The following ZFHX4 variants were observed in gnomAD, a reference collection of about 807,000 sequenced individuals.
The protein encoded by ZFHX4 is zinc finger homeobox 4.
In ZFHX4, 56 loss-of-function variants were observed where a neutral mutation model predicts 267.6. That is an observed-to-expected ratio of 0.21 (90% CI 0.17 to 0.26). The LOEUF is 0.26. Ranked by LOEUF, ZFHX4 falls within the 10% of genes least tolerant of loss-of-function variation. ZFHX4 has a pLI of 1.00. For synonymous variants in ZFHX4, 1,778 were observed against 1,665.6 expected, an observed-to-expected ratio of 1.07 and a Z score of -1.64; for missense variants, 4,332 against 4,420.0, an observed-to-expected ratio of 0.98 and a Z score of 0.56.
Position 76,705,278 on chromosome 8 carries a change from G to A in ZFHX4, c.1190G>A (p.Gly397Glu). Residue 397 changes from glycine to glutamate, a missense_variant, in exon 2 of 11, where the codon GGG becomes GAG. This residue lies in a region of ZFHX4 where 1,195 missense variants were observed against 1,173.6 expected (regional missense o/e 1.02). Coordinates refer to ENST00000651372, the MANE Select transcript of ZFHX4 (RefSeq NM_024721.5). Reference protein sequence around the residue: ...STSSSAEQPLGITQMPKAEVN... With the variant: ...STSSSAEQPLEITQMPKAEVN... The stretch of plus-strand genomic sequence containing the variant: ...TCGAGCTCAGCAGAGCAGCCGCTGG[G>A]GATTACCCAAATGCCAAAGGCTGAA... The A allele has an allele frequency of 1.2e-6, 2 of 1,613,986 alleles. No individual in the cohort carries two copies. The highest frequency in any genetic ancestry group is 1.7e-6 in the Non-Finnish European group (2 of 1,179,906).
intron 1 of ZFHX4, among the ~76,000 whole-genome samples, chr8:76,694,781 T>G (rs1473622054): frequency 6.8e-6 from 1 of 147,750 alleles, no homozygotes; most frequent in African/African-American, 2.5e-5. Context: ...TCTTATTACT[T>G]ACAGTGCATA....
intron 1 of ZFHX4, among the ~76,000 whole-genome samples, chr8:76,689,276 C>T (rs11775718): frequency 6.6e-6 from 1 of 151,974 alleles, no homozygotes; most frequent in Non-Finnish European, 1.5e-5. Flanking sequence ...TAACCAGGCA[C>T]CATGTGTTGT....
rs1812587738 is a variant in ZFHX4, at chr8:76,853,059, ACCACCT to A, written c.6141_6146del (p.Pro2060_Pro2061del). Reference sequence around the variant, plus strand: ...CACCACCCACTCCTCCCCCACCACCACCACCTCCTCCTCCTCCTCCTCCTCCCCCCC... The same window carrying A: ...CACCACCCACTCCTCCCCCACCACCACCTCCTCCTCCTCCTCCTCCCCCCC... On this transcript the variant is annotated inframe_deletion, in exon 10 of 11. Coordinates refer to ENST00000651372, the MANE Select transcript of ZFHX4 (RefSeq NM_024721.5). 2.1e-6 allele frequency: 1 copy of A among 481,394 alleles called. No homozygotes were observed. Among genetic ancestry groups the A allele is most frequent in the South Asian group, 1.9e-5 (1 of 53,388 alleles). The allele number at this position is 481,394 out of a possible 1,614,324, so 29.8% of individuals were successfully genotyped here. A position where few individuals can be genotyped will look rare whatever the true frequency, so the allele number is the denominator to read the frequency against.
At chr8:76,823,594 T>A (rs1475761443) in intron 4 of ZFHX4, among the ~76,000 whole-genome samples, 1 of 152,210 alleles carries the variant, frequency 6.6e-6, no homozygotes, top group Non-Finnish European at 1.5e-5. Context: ...CTAGGTCAGA[T>A]CTCATAAGTA....
Position 76,838,590 on chromosome 8 carries a change from C to T in ZFHX4, c.3395-4065C>T, listed in dbSNP as rs75813353. Among the ~76,000 whole-genome samples, 467 of 152,220 alleles carry T rather than the reference C, an allele frequency of 3.1e-3. 2 individuals are homozygous for T. The highest frequency in any genetic ancestry group is 0.011 in the African/African-American group (446 of 41,540). On this transcript the variant is annotated intron_variant, in intron 5 of 10. Coordinates refer to ENST00000651372, the MANE Select transcript of ZFHX4 (RefSeq NM_024721.5). ...ATGGAGGAGTCTAGGAAAGAATGCT[C>T]ACGAGCCAGGTGTCTTGTACAGAGA...
At chr8:76,845,177 C>A (rs543371718) in intron 6 of ZFHX4, among the ~76,000 whole-genome samples, 2 of 152,136 alleles carry the variant, frequency 1.3e-5, no homozygotes, top group South Asian at 2.1e-4. Flanking sequence ...AGGAGTAGAG[C>A]TTTCAAAATG....
chr8:76,779,639 A>T (rs985665265), intron 4 of ZFHX4, among the ~76,000 whole-genome samples: 3 of 152,192 alleles, frequency 2.0e-5, no homozygotes, highest in African/African-American at 7.2e-5. Context: ...ATTAGCTGCT[A>T]ATACTGAACT....
chr8:76,846,570 C>G (rs1812370226), intron 6 of ZFHX4, among the ~76,000 whole-genome samples: 1 of 151,796 alleles, frequency 6.6e-6, no homozygotes, highest in Non-Finnish European at 1.5e-5. Context: ...TAGAACATCA[C>G]TAAATTCAAA....
intron 10 of ZFHX4, among the ~76,000 whole-genome samples, chr8:76,858,088 TG>T (rs1812778018): frequency 6.6e-6 from 1 of 152,224 alleles, no homozygotes; most frequent in African/African-American, 2.4e-5. Context: ...CAAAGCATCT[TG>T]TTTTTTCTCC....
At position 76,853,639 on chromosome 8, in the gene ZFHX4, G is replaced by T. The variant is rs1812612048; in HGVS notation, c.6718G>T (p.Val2240Phe). 4 of 1,613,686 alleles carry T rather than the reference G, an allele frequency of 2.5e-6. No individual in the cohort carries two copies. Among genetic ancestry groups the T allele is most frequent in the Non-Finnish European group, 3.4e-6 (4 of 1,179,830 alleles). The change falls in exon 10 of 11, where the codon GTT becomes TTT. Residue 2240 changes from valine (V) to phenylalanine (F), a missense_variant. Val to Phe is a conservative substitution (Grantham distance 50, BLOSUM62 -1). This residue lies in a region of ZFHX4 where 62 missense variants were observed against 69.8 expected (regional missense o/e 0.89). Transcript: ENST00000651372. ...RTRFTDYQLR[V>F]LQDFFDTNAY... The stretch of plus-strand genomic sequence containing the variant: ...GAGATTTACTGACTACCAGCTTAGG[G>T]TTCTGCAAGACTTTTTTGACACAAA...
intron 6 of ZFHX4, among the ~76,000 whole-genome samples, chr8:76,844,800 T>C (rs1812325278): frequency 6.6e-6 from 1 of 152,128 alleles, no homozygotes; most frequent in South Asian, 2.1e-4. Flanking sequence ...AATGCAAATA[T>C]TTATCTTTAA....
chr8:76,818,826 A>C (rs1811571294), intron 4 of ZFHX4, among the ~76,000 whole-genome samples: 1 of 152,118 alleles, frequency 6.6e-6, no homozygotes, highest in Non-Finnish European at 1.5e-5. Flanking sequence ...AGGAGGCAGG[A>C]GGATCCACTG....
chr8:76,739,067 G>C (rs1301738342), intron 3 of ZFHX4, among the ~76,000 whole-genome samples: 1 of 151,982 alleles, frequency 6.6e-6, no homozygotes, highest in Non-Finnish European at 1.5e-5. Context: ...AGCTTATGCA[G>C]GAACCATGAT....
intron 3 of ZFHX4, among the ~76,000 whole-genome samples, chr8:76,770,763 G>A (rs940783345): frequency 2.0e-5 from 3 of 152,138 alleles, no homozygotes; most frequent in Admixed American, 6.6e-5. Context: ...AGGAGAAATA[G>A]GAGTAAGACA....
intron 6 of ZFHX4, among the ~76,000 whole-genome samples, chr8:76,844,247 G>A (rs1372189017): frequency 6.6e-6 from 1 of 152,144 alleles, no homozygotes; most frequent in Non-Finnish European, 1.5e-5. Flanking sequence ...GGTTCAGAGA[G>A]GGCAAGGTTC....
chr8:76,824,303 G>A (rs1248067893), intron 4 of ZFHX4, among the ~76,000 whole-genome samples: 1 of 152,088 alleles, frequency 6.6e-6, no homozygotes, highest in Non-Finnish European at 1.5e-5. Context: ...TGCAACACAG[G>A]GAATAATCTA....
chr8:76,742,763 C>T (rs1171366835), intron 3 of ZFHX4, among the ~76,000 whole-genome samples: 1 of 152,152 alleles, frequency 6.6e-6, no homozygotes, highest in Non-Finnish European at 1.5e-5. Context: ...TAATAGTCTG[C>T]ACTTCCTTCA....
chr8:76,711,762 A>G (rs1239548714), intron 3 of ZFHX4, among the ~76,000 whole-genome samples: 1 of 152,168 alleles, frequency 6.6e-6, no homozygotes, highest in Non-Finnish European at 1.5e-5. Flanking sequence ...TAGTAAAAAG[A>G]TATAATGAAA....
intron 4 of ZFHX4, among the ~76,000 whole-genome samples, chr8:76,790,411 T>A (rs1203837656): frequency 2.6e-5 from 4 of 152,134 alleles, no homozygotes; most frequent in Admixed American, 1.3e-4. Context: ...CTTGTATGCT[T>A]GTTATAAAGC....
Sources: gnomAD v4.1 joint callset for allele counts (sites outside exome capture counted in the v4.1 genomes callset) on GRCh38, gnomAD v4.1.1 for gene constraint, gnomAD v4.1.1 regional missense constraint, MANE v1.5 for transcripts, NCBI Gene and HGNC (gene_info 2026-07-23, HGNC 2026-07-21) for gene names.